The following ABCA3 variants were observed in gnomAD, a reference collection of about 807,000 sequenced individuals.
The protein encoded by ABCA3 is phospholipid-transporting ATPase ABCA3.
In ABCA3, 88 loss-of-function variants were observed where a neutral mutation model predicts 172.8. That is an observed-to-expected ratio of 0.51 (90% confidence interval 0.43 to 0.61). The LOEUF is 0.61. Among genes scored for constraint, ABCA3 ranks in the 20% least tolerant of loss-of-function variants. The pLI is 0.00. For missense variants in ABCA3, 2,164 were observed against 2,301.0 expected, an observed-to-expected ratio of 0.94 and a Z score of 1.22; for synonymous variants, 1,066 against 983.8, an observed-to-expected ratio of 1.08 and a Z score of -1.56.
intron 17 of ABCA3, 152 bp from the exon 18 acceptor site, chr16:2,295,892 G>T: frequency 9.6e-7 from 1 of 1,044,546 alleles, no homozygotes; most frequent in Non-Finnish European, 1.4e-6. Context: ...AATGTGTCTT[G>T]GAGCTCCCTG....
rs777482979 is a variant in ABCA3 at position 2,317,352 on chromosome 16, C to T, written c.1042G>A (p.Ala348Thr). ...LSRSDPSLVL[A>T]FLLCFAISTI... The stretch of plus-strand genomic sequence containing the variant: ...GAGATGGCGAAGCACAGCAGGAAGG[C>T]GAGCACCAGGGAGGGGTCGCTGCGG... The change falls in exon 10 of 33, where the codon GCC becomes ACC. Residue 348 changes from alanine to threonine, a missense_variant. Physicochemically the swap from Ala to Thr is moderately conservative, Grantham distance 58 (BLOSUM62 0). Around this residue, in one of 3 missense-constraint regions of ABCA3, gnomAD observed 1,343 missense variants for 1,369.6 expected, o/e 0.98. Coordinates refer to ENST00000301732, the MANE Select transcript of ABCA3 (RefSeq NM_001089.3). The T allele has an allele frequency of 1.6e-5, 26 of 1,613,914 alleles. No homozygotes were observed. The highest frequency in any genetic ancestry group is 4.4e-5 in the South Asian group (4 of 91,078).
intron 1 of ABCA3, chr16:2,332,233 C>A (rs76616462): frequency 5.9e-6 from 2 of 339,176 alleles, no homozygotes; most frequent in African/African-American, 4.6e-5. Context: ...TCCTCCATTT[C>A]TTTTTTTTTT....
chr16:2,338,605 C>A (rs2141754959), intron 1 of ABCA3, among the ~76,000 whole-genome samples: 1 of 152,260 alleles, frequency 6.6e-6, no homozygotes, highest in Non-Finnish European at 1.5e-5. Context: ...AACTCTCCTC[C>A]ACCTCTGGTC....
chr16:2,318,457 T>A (rs1418009366), intron 8 of ABCA3, among the ~76,000 whole-genome samples: 1 of 152,168 alleles, frequency 6.6e-6, no homozygotes, highest in Admixed American at 6.5e-5. Flanking sequence ...TCAACTGAAG[T>A]TAATTAAAAA....
intron 1 of ABCA3, among the ~76,000 whole-genome samples, chr16:2,334,842 T>C (rs1366589571): frequency 6.6e-6 from 1 of 151,296 alleles, no homozygotes; most frequent in East Asian, 1.9e-4. Context: ...TTTTTTTTTT[T>C]TTTGAGACGG....
At chr16:2,316,597 G>C (rs1468091438) in intron 10 of ABCA3, among the ~76,000 whole-genome samples, 2 of 137,436 alleles carry the variant, frequency 1.5e-5, no homozygotes, top group East Asian at 4.4e-4. Flanking sequence ...AGAATCACTT[G>C]AATCCCAGAG....
intron 1 of ABCA3, among the ~76,000 whole-genome samples, chr16:2,336,307 C>G (rs2093751606): frequency 1.3e-5 from 2 of 152,176 alleles, no homozygotes; most frequent in Admixed American, 6.5e-5. Flanking sequence ...CAAGGGCCCT[C>G]AGATGATGGG....
intron 6 of ABCA3, 51 bp downstream of exon 6, chr16:2,324,353 C>G: frequency 1.3e-5 from 20 of 1,546,118 alleles, no homozygotes; most frequent in Non-Finnish European, 1.7e-5. Context: ...CGGGAGGAAG[C>G]GGAGGCCTTG....
At chr16:2,291,288 T>G (rs1661284155) in intron 19 of ABCA3, among the ~76,000 whole-genome samples, 1 of 151,986 alleles carries the variant, frequency 6.6e-6, no homozygotes, top group Non-Finnish European at 1.5e-5. Context: ...ATTGCACCAC[T>G]GCACTCCAGC....
At chr16:2,319,533 A>G (rs367909258) in intron 8 of ABCA3, 48 bp downstream of exon 8, 4 of 1,599,144 alleles carry the variant, frequency 2.5e-6, no homozygotes, top group African/African-American at 1.3e-5. Flanking sequence ...TGGCCTCCCC[A>G]GGACAGCGCG....
intron 13 of ABCA3, 77 bp from the exon 14 acceptor site, chr16:2,299,609 C>A (rs1206901233): frequency 6.3e-7 from 1 of 1,599,374 alleles, no homozygotes; most frequent in Admixed American, 1.7e-5. Flanking sequence ...TGCTCCCCTG[C>A]CCGACCGTCT....
chr16:2,331,957 G>T (rs572657861), intron 1 of ABCA3, among the ~76,000 whole-genome samples: 1 of 152,188 alleles, frequency 6.6e-6, no homozygotes, highest in Admixed American at 6.5e-5. Context: ...TCTATAAAAG[G>T]TTTGCTTACT....
At chr16:2,307,827 G>A (rs895672871) in intron 11 of ABCA3, among the ~76,000 whole-genome samples, 1 of 151,992 alleles carries the variant, frequency 6.6e-6, no homozygotes, top group Non-Finnish European at 1.5e-5. Context: ...GGATGGTCTC[G>A]ATCTCCTGAC....
chr16:2,278,484 G>A lies in ABCA3; in HGVS notation c.4548-26C>T. 2 of 1,607,828 alleles carry A rather than the reference G, an allele frequency of 1.2e-6. No individual in the cohort carries two copies. The highest frequency in any genetic ancestry group is 1.7e-6 in the Non-Finnish European group (2 of 1,179,860). On this transcript the variant is annotated intron_variant, in intron 29 of 32. Coordinates refer to ENST00000301732, the MANE Select transcript of ABCA3 (RefSeq NM_001089.3). This position sits in a 1 kb window ranked among gnomAD's most constrained non-coding sequence, Gnocchi z 4.4. ...CTAGAGGCAGGAGGGTGCCAGGTGG[G>A]GGAATAAGGCTGAGAGTTAGCATTG... is the stretch of plus-strand genomic sequence containing the variant.
At position 2,279,656 on chromosome 16, in the gene ABCA3, G is replaced by C. The variant is rs962042442; in HGVS notation, c.4360-526C>G. 6.6e-6 allele frequency among the ~76,000 whole-genome samples: 1 copy of C among 152,168 alleles called. No individual in the cohort carries two copies. Among genetic ancestry groups the C allele is most frequent in the Non-Finnish European group, 1.5e-5 (1 of 68,028 alleles). On this transcript the variant is annotated intron_variant, in intron 28 of 32. Coordinates refer to ENST00000301732, the MANE Select transcript of ABCA3 (RefSeq NM_001089.3). This position sits in a 1 kb window ranked among gnomAD's most constrained non-coding sequence, Gnocchi z 4.4. Reference sequence around the variant, plus strand: ...TTAGCTACCTTCAGCAGCTGGTCGGGGGCAGGAGTGCCTGGGTTCTGTGGA... The same window carrying C: ...TTAGCTACCTTCAGCAGCTGGTCGGCGGCAGGAGTGCCTGGGTTCTGTGGA...
chr16:2,331,451 G>A (rs1339811361), intron 1 of ABCA3, among the ~76,000 whole-genome samples: 14 of 152,258 alleles, frequency 9.2e-5, no homozygotes, highest in Admixed American at 5.2e-4. Context: ...CGCCCGCCTC[G>A]GCCTCCCAAA....
chr16:2,313,344 C>T (rs1227165837), intron 10 of ABCA3, among the ~76,000 whole-genome samples: 2 of 151,888 alleles, frequency 1.3e-5, no homozygotes, highest in African/African-American at 2.4e-5. Flanking sequence ...CACCTGAGGT[C>T]AGGAGTTCAA....
chr16:2,319,008 T>C (rs758252888), intron 8 of ABCA3, among the ~76,000 whole-genome samples: 11 of 152,012 alleles, frequency 7.2e-5, no homozygotes, highest in Non-Finnish European at 1.3e-4. Flanking sequence ...CCCTCAATGC[T>C]GCATAGTTTT....
chr16:2,278,827 C>G lies in ABCA3; in HGVS notation c.4547+116G>C, dbSNP rs907781002. ...CACACCACCACATCCCAGCTCCATC[C>G]TGGAGCCACAAGCAGGAGCTCTGGC... On this transcript the variant is annotated intron_variant, in intron 29 of 32. Transcript: ENST00000301732. This position sits in a 1 kb window ranked among gnomAD's most constrained non-coding sequence, Gnocchi z 4.4. 5 of 1,477,292 alleles carry G rather than the reference C, an allele frequency of 3.4e-6. No homozygotes were observed. The African/African-American group carries it at 5.5e-5, about 16-fold the overall frequency. The allele number at this position is 1,477,292 out of a possible 1,614,324, so 91.5% of individuals were successfully genotyped here.
Sources: gnomAD v4.1 joint callset for allele counts (sites outside exome capture counted in the v4.1 genomes callset) on GRCh38, gnomAD v4.1.1 for gene constraint, gnomAD v4.1.1 regional missense constraint, Gnocchi (gnomAD v3.1) non-coding constraint, MANE v1.5 for transcripts, NCBI Gene and HGNC (gene_info 2026-07-23, HGNC 2026-07-21) for gene names.